APBB2: variants seen among roughly 807,000 people sequenced by gnomAD.
APBB2 encodes the protein Fe65-like 1.
In APBB2, 38 loss-of-function variants were observed where a neutral mutation model predicts 82.5. That is an observed-to-expected ratio of 0.46 (90% confidence interval 0.36 to 0.60). The LOEUF (loss-of-function observed/expected upper bound fraction) is 0.60, where lower values mean the gene tolerates loss of function less well. Among genes scored for constraint, APBB2 ranks in the 20% least tolerant of loss-of-function variants. The probability of loss-of-function intolerance (pLI) is 0.00; values close to 1 mark genes in which losing one functional copy is unlikely to be tolerated. For synonymous variants in APBB2, 341 were observed against 368.2 expected (o/e 0.93, Z 0.85); for missense variants, 772 against 972.3 (o/e 0.79, Z 2.74).
intron 2 of APBB2, among the ~76,000 whole-genome samples, chr4:41,117,661 A>G (rs1580180439): frequency 1.3e-5 from 2 of 152,250 alleles, no homozygotes; most frequent in East Asian, 3.9e-4. Context: ...TGCCCAAGTC[A>G]TAGGATTGGT....
chr4:41,057,695 AG>A (rs1728312788), intron 4 of APBB2, among the ~76,000 whole-genome samples: 2 of 152,196 alleles, frequency 1.3e-5, no homozygotes, highest in African/African-American at 4.8e-5. Context: ...GGACAATTTC[AG>A]GTTTGCATAA....
At chr4:41,193,599 T>C in intron 1 of APBB2, 1 of 983,864 alleles carries the variant, frequency 1.0e-6, no homozygotes, top group Non-Finnish European at 1.2e-6. Context: ...GAGCTTAACA[T>C]GTTCCTTGCG....
At position 41,127,955 on chromosome 4, in the gene APBB2, C is replaced by T. The variant is rs140057621; in HGVS notation, c.-261+15032G>A. On this transcript the variant is annotated intron_variant, in intron 2 of 17. Transcript: ENST00000508593. The surrounding 1 kb of genome is among the most constrained non-coding windows in gnomAD (Gnocchi z 4.8). ...ATTAGCCAGGTGTGGTGGCAAGCAC[C>T]TGTAATCCCAGCTACCTGGGAGACT... Among the ~76,000 whole-genome samples the T allele has an allele frequency of 7.6e-3, 1,161 of 152,226 alleles. 17 individuals carry two copies. Among genetic ancestry groups the T allele is most frequent in the African/African-American group, 0.026 (1,084 of 41,514 alleles).
At chr4:40,933,516 G>A (rs1784713502) in intron 10 of APBB2, among the ~76,000 whole-genome samples, 1 of 152,182 alleles carries the variant, frequency 6.6e-6, no homozygotes, top group African/African-American at 2.4e-5. Flanking sequence ...GGAACACACA[G>A]CAGTGTTGCC....
chr4:40,924,796 C>G (rs868692477), intron 10 of APBB2, among the ~76,000 whole-genome samples: 1 of 152,176 alleles, frequency 6.6e-6, no homozygotes, highest in Non-Finnish European at 1.5e-5. Flanking sequence ...TTTTAAGCTA[C>G]GAAGTTTTGG....
At chr4:41,042,391 G>T (rs1721862450) in intron 4 of APBB2, among the ~76,000 whole-genome samples, 1 of 152,162 alleles carries the variant, frequency 6.6e-6, no homozygotes, top group South Asian at 2.1e-4. Context: ...TATGCTATTG[G>T]ACAACTATAG....
chr4:41,199,382 T>A (rs1343509279), intron 1 of APBB2, among the ~76,000 whole-genome samples: 11 of 152,198 alleles, frequency 7.2e-5, no homozygotes, highest in African/African-American at 1.7e-4. Flanking sequence ...ACTTTCTTTG[T>A]CATAAAAAAG....
chr4:40,904,865 A>T (rs1413877433), intron 10 of APBB2, among the ~76,000 whole-genome samples: 1 of 151,830 alleles, frequency 6.6e-6, no homozygotes, highest in Non-Finnish European at 1.5e-5. Context: ...GCCAGGGAGG[A>T]CCCAGAGAGC....
At chr4:41,140,333 A>C (rs1758753880) in intron 2 of APBB2, among the ~76,000 whole-genome samples, 1 of 152,238 alleles carries the variant, frequency 6.6e-6, no homozygotes, top group Non-Finnish European at 1.5e-5. Context: ...ATGCTCTGGA[A>C]AGCCTTCCCT....
At chr4:40,819,755 G>A (rs1014795434) in intron 17 of APBB2, among the ~76,000 whole-genome samples, 1 of 152,042 alleles carries the variant, frequency 6.6e-6, no homozygotes, top group African/African-American at 2.4e-5. Context: ...TGCTTTTAGG[G>A]CCTCCACTTC....
chr4:40,945,304 C>G (rs979721584), intron 6 of APBB2, among the ~76,000 whole-genome samples: 1 of 152,152 alleles, frequency 6.6e-6, no homozygotes, highest in Non-Finnish European at 1.5e-5. Context: ...CACCTGAGAA[C>G]AGGGACACAA....
intron 4 of APBB2, among the ~76,000 whole-genome samples, chr4:41,049,262 TCTCTGC>T (rs1724797977): frequency 7.4e-6 from 1 of 134,994 alleles, no homozygotes; most frequent in Non-Finnish European, 1.6e-5. Flanking sequence ...GTGAGGAGCG[TCTCTGC>T]CCGGCCGCCC....
chr4:40,933,628 C>A (rs769114987), intron 10 of APBB2, among the ~76,000 whole-genome samples: 6 of 152,104 alleles, frequency 3.9e-5, no homozygotes, highest in East Asian at 1.9e-4. Context: ...GTCTCTTCCG[C>A]GGTAGAGGGC....
At chr4:40,943,017 T>C (rs1787453580) in intron 7 of APBB2, among the ~76,000 whole-genome samples, 2 of 152,318 alleles carry the variant, frequency 1.3e-5, no homozygotes, top group East Asian at 3.9e-4. Flanking sequence ...CACTGCCAGA[T>C]GCAGAGGACT....
chr4:41,163,374 A>G (rs535498372), intron 1 of APBB2, among the ~76,000 whole-genome samples: 1 of 152,336 alleles, frequency 6.6e-6, no homozygotes, highest in South Asian at 2.1e-4. Context: ...TTGGATTTCA[A>G]TAATCCACCT....
At chr4:41,066,523 G>A (rs1579720150) in intron 3 of APBB2, among the ~76,000 whole-genome samples, 3 of 152,210 alleles carry the variant, frequency 2.0e-5, no homozygotes, top group African/African-American at 7.2e-5. Flanking sequence ...GCCATGGGAT[G>A]AGCATAATCA....
At chr4:41,109,871 G>A (rs975181131) in intron 2 of APBB2, among the ~76,000 whole-genome samples, 1 of 152,112 alleles carries the variant, frequency 6.6e-6, no homozygotes, top group South Asian at 2.1e-4. Context: ...CAAAGGTCAC[G>A]GAGCTAAAAA....
At chr4:40,911,740 A>C (rs1322430286) in intron 10 of APBB2, among the ~76,000 whole-genome samples, 1 of 151,790 alleles carries the variant, frequency 6.6e-6, no homozygotes, top group Non-Finnish European at 1.5e-5. Context: ...TGCAGTCCTC[A>C]TAAGTGGGCC....
In APBB2 at chr4:40,932,891, T is replaced by C. The variant is rs1266287563; in HGVS notation, c.1254+1565A>G. Among the ~76,000 whole-genome samples the C allele has an allele frequency of 3.9e-5, 6 of 152,278 alleles. No individual in the cohort carries two copies. In the Middle Eastern group the frequency reaches 0.014, roughly 345 times the overall value. On this transcript the variant is annotated intron_variant, in intron 10 of 17. Coordinates refer to ENST00000508593, the MANE Select transcript of APBB2 (RefSeq NM_004307.2). ...TGTTTTGTTTTGTTTCGAGATGGAGTCTCGCTCTGTCACCCAGGCTGGAGT... is the reference window on the plus strand; with the variant it reads ...TGTTTTGTTTTGTTTCGAGATGGAGCCTCGCTCTGTCACCCAGGCTGGAGT...
Sources: allele counts gnomAD v4.1 joint callset (sites outside exome capture counted in the v4.1 genomes callset), GRCh38; gene constraint gnomAD v4.1.1; non-coding constraint Gnocchi (gnomAD v3.1); transcripts MANE v1.5; gene names NCBI Gene and HGNC (gene_info 2026-07-23, HGNC 2026-07-21).